The following TNNI3K variants were observed in gnomAD, a reference collection of about 807,000 sequenced individuals.
The protein encoded by TNNI3K is serine/threonine-protein kinase TNNI3K.
A neutral mutation model predicts 114.5 loss-of-function variants in TNNI3K; 140 were observed. That is an observed-to-expected ratio of 1.22 (90% CI 1.07 to 1.41). TNNI3K has a LOEUF of 1.41. Ranked by LOEUF, TNNI3K falls within the 40% of genes most tolerant of loss-of-function variation. TNNI3K has a pLI of 0.00. For missense variants in TNNI3K, 1,125 were observed against 1,007.6 expected (o/e 1.12, Z -1.58); for synonymous variants, 347 against 347.5 (o/e 1.00, Z 0.02).
chr1:74,513,506 G>A (rs1278994843), intron 23 of TNNI3K, among the ~76,000 whole-genome samples: 4 of 152,202 alleles, frequency 2.6e-5, no homozygotes, highest in Non-Finnish European at 5.9e-5. Context: ...CACTGCAAGA[G>A]GAGTTCCTCT....
intron 21 of TNNI3K, chr1:74,480,306 A>G: frequency 1.4e-6 from 1 of 717,772 alleles, no homozygotes; most frequent in South Asian, 1.5e-5. Flanking sequence ...GCTGCGGTAG[A>G]TGGCTGGCAA....
chr1:74,518,087 C>T (rs931065285), intron 23 of TNNI3K, among the ~76,000 whole-genome samples: 1 of 152,128 alleles, frequency 6.6e-6, no homozygotes, highest in African/African-American at 2.4e-5. Flanking sequence ...GTGCAGGTTA[C>T]TAGAGGACAG....
At chr1:74,277,303 T>C (rs1184111222) in intron 5 of TNNI3K, among the ~76,000 whole-genome samples, 1 of 152,084 alleles carries the variant, frequency 6.6e-6, no homozygotes, top group Non-Finnish European at 1.5e-5. Flanking sequence ...GACTCCAACC[T>C]GGGGATCTAC....
Position 74,288,673 on chromosome 1 carries a change from A to G in TNNI3K, c.444+16965A>G, listed in dbSNP as rs917440929. ...TACGAAGTTTTAGTTATGAAGAATG[A>G]ATAAATTCTGGAGATCTAATGTACA... On this transcript the variant is annotated intron_variant, in intron 5 of 24. Transcript: ENST00000326637. Among the ~76,000 whole-genome samples the G allele has an allele frequency of 2.6e-5, 4 of 151,826 alleles. No homozygotes were observed. The Admixed American group carries it at 2.7e-4, about 10-fold the overall frequency.
At chr1:74,497,225 G>A (rs955168853) in intron 23 of TNNI3K, among the ~76,000 whole-genome samples, 17 of 152,054 alleles carry the variant, frequency 1.1e-4, no homozygotes, top group African/African-American at 4.1e-4. Flanking sequence ...AATGAAGAAG[G>A]GAGAGCAGCA....
In TNNI3K at chr1:74,436,074, T is replaced by G; in HGVS notation, c.1773-6T>G. ...TGTCTACTTTTTTTTTTTTTTTTTT[T>G]TACAGTCACAATATTCTTCTCTATG... On this transcript the variant is annotated splice_region_variant and splice_polypyrimidine_tract_variant and intron_variant, in intron 17 of 24. Transcript: ENST00000326637. 6.3e-7 allele frequency: 1 copy of G among 1,584,224 alleles called. No homozygotes were observed. The highest frequency in any genetic ancestry group is 8.6e-7 in the Non-Finnish European group (1 of 1,169,298).
chr1:74,343,168 A>G lies in TNNI3K; in HGVS notation c.921A>G (p.Thr307=). 6.2e-7 allele frequency: 1 copy of G among 1,611,180 alleles called. No individual in the cohort carries two copies. The highest frequency in any genetic ancestry group is 8.5e-7 in the Non-Finnish European group (1 of 1,178,690). The part of the protein sequence containing the change: ...SLTKENIFSE[T]AFHSACTYGK... The stretch of plus-strand genomic sequence containing the variant: ...CTAAGGAAAACATCTTCAGTGAAAC[A>G]GCTTTTCATAGGTAAAAGAATATTT... The change falls in exon 9 of 25, where the codon ACA becomes ACG. Residue 307 remains threonine, a synonymous_variant. Transcript: ENST00000326637.
intron 17 of TNNI3K, among the ~76,000 whole-genome samples, chr1:74,388,700 A>G (rs904383159): frequency 2.6e-5 from 4 of 152,182 alleles, no homozygotes; most frequent in Non-Finnish European, 5.9e-5. Flanking sequence ...ATAACAAGGA[A>G]AACGGTTCTC....
intron 2 of TNNI3K, among the ~76,000 whole-genome samples, chr1:74,249,154 T>G (rs1654772385): frequency 6.6e-6 from 1 of 151,828 alleles, no homozygotes; most frequent in Non-Finnish European, 1.5e-5. Flanking sequence ...TTGGTTTTAC[T>G]TGTCTTTAAA....
chr1:74,364,439 A>G (rs1028504796), intron 11 of TNNI3K, among the ~76,000 whole-genome samples: 2 of 151,960 alleles, frequency 1.3e-5, no homozygotes, highest in Admixed American at 6.6e-5. Flanking sequence ...TGAAATATTC[A>G]TGAAACTGGA....
At chr1:74,412,310 C>G (rs989177676) in intron 17 of TNNI3K, among the ~76,000 whole-genome samples, 1 of 152,124 alleles carries the variant, frequency 6.6e-6, no homozygotes, top group Admixed American at 6.5e-5. Context: ...TTATCACACA[C>G]TTTTGTAGTC....
intron 17 of TNNI3K, among the ~76,000 whole-genome samples, chr1:74,395,073 G>A (rs546779131): frequency 1.3e-5 from 2 of 151,198 alleles, no homozygotes; most frequent in Admixed American, 1.3e-4. Context: ...AACACTTAAA[G>A]CCCCTACACA....
intron 20 of TNNI3K, among the ~76,000 whole-genome samples, chr1:74,460,023 C>G (rs906424852): frequency 2.0e-5 from 3 of 152,028 alleles, no homozygotes; most frequent in African/African-American, 7.2e-5. Context: ...ATCAGTCACA[C>G]TAGCCACATT....
At chr1:74,464,944 A>T (rs2100725024) in intron 21 of TNNI3K, 3 of 1,233,578 alleles carry the variant, frequency 2.4e-6, no homozygotes, top group South Asian at 3.7e-5. Flanking sequence ...CAGTGCCTTC[A>T]ATCTCTGCAT....
At chr1:74,391,965 T>TA (rs1663802906) in intron 17 of TNNI3K, among the ~76,000 whole-genome samples, 2 of 136,286 alleles carry the variant, frequency 1.5e-5, no homozygotes, top group African/African-American at 5.5e-5. Flanking sequence ...TTATTTTTTT[T>TA]TTTTTTTTTT....
intron 23 of TNNI3K, among the ~76,000 whole-genome samples, chr1:74,500,210 A>G (rs1669538911): frequency 6.6e-6 from 1 of 152,126 alleles, no homozygotes; most frequent in South Asian, 2.1e-4. Flanking sequence ...TATAAATTCC[A>G]TAATGATTTC....
At chr1:74,525,001 A>G (rs1047685418) in intron 23 of TNNI3K, among the ~76,000 whole-genome samples, 1 of 152,226 alleles carries the variant, frequency 6.6e-6, no homozygotes, top group Non-Finnish European at 1.5e-5. Flanking sequence ...TCAATTATAT[A>G]GTAAGTATTT....
chr1:74,492,192 T>TA lies in TNNI3K; in HGVS notation c.2277_2278insA (p.Val760SerfsTer49), dbSNP rs778467156. ...ACCGGGGAGGACCTGGCCGGAGTCA[T>TA]GTGGCAGCATTAAGAAGTCGTTTCG... On this transcript the variant is annotated frameshift_variant, in exon 23 of 25. Coordinates refer to ENST00000326637, the MANE Select transcript of TNNI3K (RefSeq NM_015978.3). LOFTEE classifies it high-confidence loss of function. The TA allele has an allele frequency of 6.2e-7, 1 of 1,613,190 alleles. No individual in the cohort carries two copies. Among genetic ancestry groups the TA allele is most frequent in the East Asian group, 2.2e-5 (1 of 44,874 alleles).
chr1:74,249,098 A>G (rs777591153), intron 2 of TNNI3K, among the ~76,000 whole-genome samples: 1 of 151,906 alleles, frequency 6.6e-6, no homozygotes, highest in Admixed American at 6.6e-5. Context: ...TTATGTAAGT[A>G]TTCCCTACTA....
Sources: allele counts gnomAD v4.1 joint callset (sites outside exome capture counted in the v4.1 genomes callset), GRCh38; gene constraint gnomAD v4.1.1; transcripts MANE v1.5; gene names NCBI Gene and HGNC (gene_info 2026-07-23, HGNC 2026-07-21).